Variants in KIAA1614 observed in about 807,000 individuals in gnomAD.
KIAA1614 encodes the protein KIAA1614.
A neutral mutation model predicts 88.7 loss-of-function variants in KIAA1614; 76 were observed. The observed-to-expected ratio is 0.86, with a 90% CI of 0.71 to 1.04. The LOEUF is 1.04. Among genes scored for constraint, KIAA1614 ranks in the 50% least tolerant of loss-of-function variants. The pLI is 0.00. For missense variants in KIAA1614, 1,553 were observed against 1,582.5 expected (o/e 0.98, Z 0.32); for synonymous variants, 714 against 675.5 (o/e 1.06, Z -0.88).
At chr1:180,927,444 G>A (rs185800797) in intron 3 of KIAA1614, among the ~76,000 whole-genome samples, 46 of 152,336 alleles carry the variant, frequency 3.0e-4, no homozygotes, top group Admixed American at 2.4e-3. Context: ...GCTCTGCTCC[G>A]CTTGCAATTG....
At chr1:180,915,387 G>A (rs543640936) in intron 1 of KIAA1614, among the ~76,000 whole-genome samples, 80 of 152,276 alleles carry the variant, frequency 5.3e-4, no homozygotes, top group African/African-American at 1.8e-3. Flanking sequence ...TTGCCTGTTA[G>A]CAGATGCGGG....
At chr1:180,945,098 CAGGCCTTGGG>C in intron 8 of KIAA1614, 195 bp from the exon 9 acceptor site, 1 of 544,584 alleles carries the variant, frequency 1.8e-6, no homozygotes, top group Non-Finnish European at 3.1e-6. Context: ...AGTTCCACAG[CAGGCCTTGGG>C]GGGCCTTGCA....
intron 3 of KIAA1614, among the ~76,000 whole-genome samples, chr1:180,924,819 C>T (rs570813829): frequency 1.5e-4 from 23 of 151,438 alleles, no homozygotes; most frequent in African/African-American, 4.8e-4. Context: ...AGTACATATT[C>T]GGGGATTCCA....
At chr1:180,941,857 T>A (rs1412947600) in intron 7 of KIAA1614, among the ~76,000 whole-genome samples, 1 of 152,188 alleles carries the variant, frequency 6.6e-6, no homozygotes, top group East Asian at 1.9e-4. Context: ...CTCCTCATTC[T>A]TCTTTTAACA....
chr1:180,918,042 G>A (rs566260660), intron 3 of KIAA1614, 128 bp downstream of exon 3: 11 of 761,028 alleles, frequency 1.4e-5, no homozygotes, highest in African/African-American at 3.4e-5. Flanking sequence ...CAGCAGACCA[G>A]TGGACGTCAT....
Position 180,916,521 on chromosome 1 carries a change from G to C in KIAA1614, c.418G>C (p.Val140Leu). The C allele has an allele frequency of 6.2e-7, 1 of 1,613,970 alleles. No homozygotes were observed. Among genetic ancestry groups the C allele is most frequent in the South Asian group, 1.1e-5 (1 of 91,072 alleles). Reference sequence around the variant, plus strand: ...GGGGTCTTTCCTGCCAGGTGCTGTGGTGGCTCCTCGTACCCAAAACCTGCC... The same window carrying C: ...GGGGTCTTTCCTGCCAGGTGCTGTGCTGGCTCCTCGTACCCAAAACCTGCC... ...SEGSFLPGAV[V>L]APRTQNLPDG... The change falls in exon 2 of 9, where the codon GTG becomes CTG. Residue 140 changes from valine (V) to leucine (L), a missense_variant. Transcript: ENST00000367588.
chr1:180,917,208 G>A, intron 2 of KIAA1614, 108 bp downstream of exon 2: 2 of 823,930 alleles, frequency 2.4e-6, no homozygotes, highest in Non-Finnish European at 3.8e-6. Context: ...GGAAAGGAGG[G>A]AGAGCCTGAC....
chr1:180,945,678 T>C lies in KIAA1614; in HGVS notation c.*90T>C. The C allele has an allele frequency of 6.9e-7, 1 of 1,451,280 alleles. No homozygotes were observed. The highest frequency in any genetic ancestry group is 9.0e-7 in the Non-Finnish European group (1 of 1,111,108). 89.9% of individuals were successfully genotyped at this position (1,451,280 alleles called of 1,614,324 possible). ...TCTTTCTGAATTGTCCAGGGCTCTC[T>C]AGGAGTCTGCACCTGCAGAGCCTTT... On this transcript the variant is annotated 3_prime_UTR_variant, in exon 9 of 9. Coordinates refer to ENST00000367588, the MANE Select transcript of KIAA1614 (RefSeq NM_020950.2).
At chr1:180,928,939 A>G (rs1260085628) in intron 4 of KIAA1614, among the ~76,000 whole-genome samples, 1 of 152,228 alleles carries the variant, frequency 6.6e-6, no homozygotes, top group Non-Finnish European at 1.5e-5. Context: ...AGGACAGGTG[A>G]GGCTCTTGAG....
intron 4 of KIAA1614, among the ~76,000 whole-genome samples, chr1:180,929,166 A>G (rs1487080395): frequency 2.6e-5 from 4 of 152,226 alleles, no homozygotes; most frequent in Non-Finnish European, 5.9e-5. Flanking sequence ...TGGGAACTGT[A>G]ACAGTGCCTG....
In KIAA1614 at chr1:180,913,214, G is replaced by C; in HGVS notation, c.-30G>C. Reference sequence around the variant, plus strand: ...CAGCAGCTGGCCTGGGAGGGAGAAGGGGCTGGAGAGGGCCTGGCCTCTCCG... The same window carrying C: ...CAGCAGCTGGCCTGGGAGGGAGAAGCGGCTGGAGAGGGCCTGGCCTCTCCG... On this transcript the variant is annotated 5_prime_UTR_variant, in exon 1 of 9. Coordinates refer to ENST00000367588, the MANE Select transcript of KIAA1614 (RefSeq NM_020950.2). 8.0e-7 allele frequency: 1 copy of C among 1,257,602 alleles called. No homozygotes were observed. Among genetic ancestry groups the C allele is most frequent in the Non-Finnish European group, 1.0e-6 (1 of 994,492 alleles). The allele number at this position is 1,257,602 out of a possible 1,614,324, so 77.9% of individuals were successfully genotyped here. A position where few individuals can be genotyped will look rare whatever the true frequency, so the allele number is the denominator to read the frequency against.
At chr1:180,938,484 A>C in intron 5 of KIAA1614, 71 bp from the exon 6 acceptor site, 2 of 1,521,264 alleles carry the variant, frequency 1.3e-6, no homozygotes, top group Non-Finnish European at 1.8e-6. Flanking sequence ...GTTGCTGGGA[A>C]TGTCCCATTC....
At chr1:180,914,432 G>T (rs1653732867) in intron 1 of KIAA1614, among the ~76,000 whole-genome samples, 1 of 152,232 alleles carries the variant, frequency 6.6e-6, no homozygotes, top group South Asian at 2.1e-4. Context: ...AAAGGCCTGG[G>T]CTTGGAATGA....
At position 180,945,528 on chromosome 1, in the gene KIAA1614, C is replaced by T; in HGVS notation, c.3513C>T (p.Gly1171=). ...TTCCTCAGCCCCATGGCTGGGGCGG[C>T]CTTAGCAAACAAGGCAGGGCCTTCT... ...SPLPQPHGWG[G]LSKQGRAFWL... is the part of the protein sequence containing the mutation. The change falls in exon 9 of 9, where the codon GGC becomes GGT. Residue 1171 remains glycine, a synonymous_variant. Coordinates refer to ENST00000367588, the MANE Select transcript of KIAA1614 (RefSeq NM_020950.2). 1 of 1,613,766 alleles carries T rather than the reference C, an allele frequency of 6.2e-7. No individual in the cohort carries two copies. The highest frequency in any genetic ancestry group is 8.5e-7 in the Non-Finnish European group (1 of 1,179,962).
chr1:180,916,535 C>T lies in KIAA1614; in HGVS notation c.432C>T (p.Thr144=), dbSNP rs1653805741. The change falls in exon 2 of 9, where the codon ACC becomes ACT. Residue 144 remains threonine (T), a synonymous_variant. Transcript: ENST00000367588. ...CAGGTGCTGTGGTGGCTCCTCGTAC[C>T]CAAAACCTGCCTGATGGGCAGCTGG... ...FLPGAVVAPR[T]QNLPDGQLDG... 6.2e-7 allele frequency: 1 copy of T among 1,613,380 alleles called. No homozygotes were observed. The highest frequency in any genetic ancestry group is 1.7e-4 in the Middle Eastern group (1 of 6,060).
intron 7 of KIAA1614, 129 bp downstream of exon 7, chr1:180,941,414 C>A: frequency 8.8e-7 from 1 of 1,132,488 alleles, no homozygotes; most frequent in Non-Finnish European, 1.2e-6. Context: ...GAGACGGAAG[C>A]TGCTGGCATC....
Position 180,913,157 on chromosome 1 carries a change from C to G in KIAA1614, c.-87C>G, listed in dbSNP as rs1653692619. ...CTGCGGGCCGCACTCCCTCCGGCCC[C>G]GGATTCGGGGCTGGAAGTCCCTCCC... is the stretch of plus-strand genomic sequence containing the variant. On this transcript the variant is annotated 5_prime_UTR_variant, in exon 1 of 9. Transcript: ENST00000367588. The G allele has an allele frequency of 2.8e-6, 3 of 1,086,326 alleles. No individual in the cohort carries two copies. The highest frequency in any genetic ancestry group is 4.5e-5 in the South Asian group (1 of 22,084). The allele number at this position is 1,086,326 out of a possible 1,614,324, so 67.3% of individuals were successfully genotyped here. A position where few individuals can be genotyped will look rare whatever the true frequency, so the allele number is the denominator to read the frequency against.
chr1:180,923,426 G>C (rs548898979), intron 3 of KIAA1614, among the ~76,000 whole-genome samples: 5 of 152,312 alleles, frequency 3.3e-5, no homozygotes. Context: ...CTGTGTGCCA[G>C]GTGCCAGGAG....
rs779525951 is a variant in KIAA1614, at chr1:180,935,697, AAC to A, written c.1794_1795del (p.Ile599ArgfsTer20). 11 of 1,613,560 alleles carry A rather than the reference AAC, an allele frequency of 6.8e-6. No homozygotes were observed. The highest frequency in any genetic ancestry group is 1.3e-5 in the African/African-American group (1 of 74,936). On this transcript the variant is annotated frameshift_variant, in exon 5 of 9. Transcript: ENST00000367588. LOFTEE classifies it high-confidence loss of function. This position sits in a 1 kb window ranked among gnomAD's most constrained non-coding sequence, Gnocchi z 6.1. ...GGCTCCACATGGAATGGATCCGGGA[AAC>A]ACACATCGGAGACACCGTGTGCCCT... ...PRLHMEWIRE[T>X]HIGDTVCPAE...
Sources: allele counts gnomAD v4.1 joint callset (sites outside exome capture counted in the v4.1 genomes callset), GRCh38; gene constraint gnomAD v4.1.1; non-coding constraint Gnocchi (gnomAD v3.1); transcripts MANE v1.5; gene names NCBI Gene and HGNC (gene_info 2026-07-23, HGNC 2026-07-21).